THEMIS: variants seen among roughly 807,000 people sequenced by gnomAD.
THEMIS encodes thymocyte selection associated.
A neutral mutation model predicts 52.6 loss-of-function variants in THEMIS; 37 were observed. The ratio of observed to expected loss-of-function variants is 0.70; its 90% CI spans 0.54 to 0.93. The LOEUF is 0.93. Among genes scored for constraint, THEMIS ranks in the 40% least tolerant of loss-of-function variants. THEMIS has a pLI of 0.00. For synonymous variants in THEMIS, 292 were observed against 272.7 expected, an observed-to-expected ratio of 1.07 and a Z score of -0.70; for missense variants, 808 against 763.1, an observed-to-expected ratio of 1.06 and a Z score of -0.69.
Position 127,829,950 on chromosome 6 carries a change from C to T in THEMIS, c.251-16G>A, listed in dbSNP as rs368000771. ...TTAAAAAGACCTAAGAACAGAATTA[C>T]GTGAATTAAAAAGAGAGTTCTTACA... On this transcript the variant is annotated splice_polypyrimidine_tract_variant and intron_variant, in intron 2 of 5. Transcript: ENST00000368248. The T allele has an allele frequency of 6.4e-5, 100 of 1,563,704 alleles. 1 individual carries two copies. In the South Asian group the frequency reaches 9.0e-4, roughly 14 times the overall value.
chr6:127,762,404 G>A (rs1776051426), intron 4 of THEMIS, among the ~76,000 whole-genome samples: 1 of 152,002 alleles, frequency 6.6e-6, no homozygotes, highest in South Asian at 2.1e-4. Context: ...CTTCTTACCA[G>A]AACTGAAACA....
intron 3 of THEMIS, among the ~76,000 whole-genome samples, chr6:127,826,737 C>T (rs1026692442): frequency 6.6e-6 from 1 of 152,052 alleles, no homozygotes; most frequent in South Asian, 2.1e-4. Flanking sequence ...ATTTTGTCTT[C>T]CTGAGAAAGG....
intron 4 of THEMIS, among the ~76,000 whole-genome samples, chr6:127,756,192 A>G (rs1253725290): frequency 6.6e-6 from 1 of 152,226 alleles, no homozygotes; most frequent in Non-Finnish European, 1.5e-5. Flanking sequence ...TAATTATACA[A>G]GGCTGTCAGG....
In THEMIS at chr6:127,813,119, G is replaced by A; in HGVS notation, c.1522C>T (p.Arg508Cys). 2 of 1,613,946 alleles carry A rather than the reference G, an allele frequency of 1.2e-6. No homozygotes were observed. The highest frequency in any genetic ancestry group is 1.7e-6 in the Non-Finnish European group (2 of 1,179,974). Residue 508 changes from arginine (R) to cysteine (C), a missense_variant, in exon 4 of 6, where the codon CGC becomes TGC. Physicochemically the swap from Arg to Cys is radical, Grantham distance 180. Transcript: ENST00000368248. ...PTECWEIPVG[R>C]LNMTVQLVSN... ...ACTAACTGAACAGTCATATTCAAGCGGCCCACAGGAATTTCCCAGCACTCC... is the reference window on the plus strand; with the variant it reads ...ACTAACTGAACAGTCATATTCAAGCAGCCCACAGGAATTTCCCAGCACTCC...
chr6:127,918,559 A>G (rs919373828), upstream of THEMIS: 30 of 152,204 alleles, frequency 2.0e-4, no homozygotes, highest in African/African-American at 7.2e-4. Flanking sequence ...CACCAGCCAA[A>G]GAGACTAATG....
the THEMIS span, among the ~76,000 whole-genome samples, chr6:127,698,689 T>C: frequency 6.6e-6 from 1 of 152,166 alleles, no homozygotes; most frequent in East Asian, 1.9e-4. Context: ...TCCTAGAAGC[T>C]ATATACTACA....
intron 4 of THEMIS, among the ~76,000 whole-genome samples, chr6:127,806,359 C>T (rs1434528352): frequency 6.6e-6 from 1 of 152,080 alleles, no homozygotes; most frequent in Non-Finnish European, 1.5e-5. Context: ...GAAAATATGA[C>T]ATCACATATT....
At chr6:127,805,426 G>T (rs544035701) in intron 4 of THEMIS, among the ~76,000 whole-genome samples, 1 of 151,906 alleles carries the variant, frequency 6.6e-6, no homozygotes, top group Admixed American at 6.6e-5. Flanking sequence ...CTTAAATAAC[G>T]CATGCATGAA....
intron 2 of THEMIS, among the ~76,000 whole-genome samples, chr6:127,834,972 G>A (rs566735444): frequency 3.9e-5 from 6 of 152,266 alleles, no homozygotes; most frequent in South Asian, 2.1e-4. Context: ...CCCAGGCAGC[G>A]AGAGTGAGTA....
At chr6:127,861,742 C>A (rs1333620796) in intron 1 of THEMIS, among the ~76,000 whole-genome samples, 1 of 141,388 alleles carries the variant, frequency 7.1e-6, no homozygotes, top group South Asian at 2.2e-4. Flanking sequence ...TGAGATTGCA[C>A]CACTGCACTC....
At chr6:127,764,078 C>T (rs1243934771) in intron 4 of THEMIS, among the ~76,000 whole-genome samples, 1 of 151,874 alleles carries the variant, frequency 6.6e-6, no homozygotes, top group Non-Finnish European at 1.5e-5. Context: ...AAGAAAGACA[C>T]AGGAAAGTGT....
At chr6:127,697,097 G>C in the THEMIS span, among the ~76,000 whole-genome samples, 1 of 152,026 alleles carries the variant, frequency 6.6e-6, no homozygotes, top group Non-Finnish European at 1.5e-5. Context: ...ATGCAATTGC[G>C]TGAGGGCTAA....
At position 127,901,025 on chromosome 6, in the gene THEMIS, T is replaced by G. The variant is rs1781121314; in HGVS notation, c.-93A>C. On this transcript the variant is annotated 5_prime_UTR_variant, in exon 1 of 6. It removes an upstream start codon present in the reference 5' UTR. Coordinates refer to ENST00000368248, the MANE Select transcript of THEMIS (RefSeq NM_001010923.3). ...CTGCAATTGCAGCCCCTGCTCACCA[T>G]TTCTTCCTCAGGCAGGCAGGAATGT... is the stretch of plus-strand genomic sequence containing the variant. 1 of 981,570 alleles carries G rather than the reference T, an allele frequency of 1.0e-6. No homozygotes were observed. Among genetic ancestry groups the G allele is most frequent in the African/African-American group, 1.6e-5 (1 of 62,642 alleles). 60.8% of individuals were successfully genotyped at this position (981,570 alleles called of 1,614,324 possible). A position where few individuals can be genotyped will look rare whatever the true frequency, so the allele number is the denominator to read the frequency against.
intron 5 of THEMIS, among the ~76,000 whole-genome samples, chr6:127,717,468 G>A (rs1364267959): frequency 1.3e-5 from 2 of 151,726 alleles, no homozygotes; most frequent in Non-Finnish European, 2.9e-5. Context: ...TAAGGCATGG[G>A]CATCACTAAG....
At chr6:127,755,106 A>T (rs996289005) in intron 4 of THEMIS, among the ~76,000 whole-genome samples, 3 of 152,084 alleles carry the variant, frequency 2.0e-5, no homozygotes, top group Non-Finnish European at 4.4e-5. Flanking sequence ...TATACAAGGC[A>T]TCTTTTTTTG....
chr6:127,865,144 C>T (rs1306432885), intron 1 of THEMIS, among the ~76,000 whole-genome samples: 1 of 152,038 alleles, frequency 6.6e-6, no homozygotes, highest in Non-Finnish European at 1.5e-5. Flanking sequence ...TATGCAGCAC[C>T]CCCTTAGAGG....
At chr6:127,908,831 T>G (rs989291150) in intron 1 of THEMIS, among the ~76,000 whole-genome samples, 1 of 152,022 alleles carries the variant, frequency 6.6e-6, no homozygotes, top group Non-Finnish European at 1.5e-5. Context: ...ATTTGTTATC[T>G]CTTATAACTG....
At chr6:127,889,565 A>G (rs1780742639) in intron 1 of THEMIS, among the ~76,000 whole-genome samples, 1 of 152,146 alleles carries the variant, frequency 6.6e-6, no homozygotes, top group Admixed American at 6.6e-5. Context: ...AGTGGAAAAT[A>G]GTAGAACTTC....
chr6:127,868,894 T>A (rs533072176), intron 1 of THEMIS, among the ~76,000 whole-genome samples: 2 of 152,132 alleles, frequency 1.3e-5, no homozygotes, highest in African/African-American at 4.8e-5. Flanking sequence ...AAATATATGA[T>A]ATATGCCAAA....
Sources: gnomAD v4.1 joint callset for allele counts (sites outside exome capture counted in the v4.1 genomes callset) on GRCh38, gnomAD v4.1.1 for gene constraint, MANE v1.5 for transcripts, NCBI Gene and HGNC (gene_info 2026-07-23, HGNC 2026-07-21) for gene names.